ADGRL3: variants seen among roughly 807,000 people sequenced by gnomAD.
The protein encoded by ADGRL3 is calcium-independent alpha-latrotoxin receptor 3.
Under a neutral mutation model 153.5 loss-of-function variants are expected in ADGRL3, and 62 were observed. The observed-to-expected ratio is 0.40, with a 90% confidence interval of 0.33 to 0.50. ADGRL3 has a LOEUF of 0.50. Ranked by LOEUF, ADGRL3 falls within the 20% of genes least tolerant of loss-of-function variation. The pLI is 0.47. For missense variants in ADGRL3, 1,641 were observed against 1,859.4 expected (o/e 0.88, Z 2.16); for synonymous variants, 710 against 672.5 (o/e 1.06, Z -0.86).
chr4:61,291,218 GCACA>G (rs765771949), intron 1 of ADGRL3, among the ~76,000 whole-genome samples: 3 of 134,082 alleles, frequency 2.2e-5, no homozygotes, highest in South Asian at 2.5e-4. Flanking sequence ...ACACACACAC[GCACA>G]CACACACACC....
intron 1 of ADGRL3, among the ~76,000 whole-genome samples, chr4:61,321,209 G>A (rs1252772587): frequency 6.6e-6 from 1 of 152,158 alleles, no homozygotes; most frequent in African/African-American, 2.4e-5. Flanking sequence ...CATCTTTGGT[G>A]GGCCATTCTA....
chr4:61,959,432 G>T (rs2098979778), intron 17 of ADGRL3, among the ~76,000 whole-genome samples: 1 of 152,026 alleles, frequency 6.6e-6, no homozygotes, highest in Non-Finnish European at 1.5e-5. Flanking sequence ...ACTTTCTTTA[G>T]TTTGATGATT....
intron 1 of ADGRL3, among the ~76,000 whole-genome samples, chr4:61,285,798 G>A (rs558602550): frequency 2.3e-4 from 35 of 151,858 alleles, no homozygotes; most frequent in African/African-American, 7.9e-4. Flanking sequence ...TATGAATAGA[G>A]AGGAGGCTAA....
At chr4:61,782,133 TTGA>T (rs1248436720) in intron 8 of ADGRL3, among the ~76,000 whole-genome samples, 1 of 152,148 alleles carries the variant, frequency 6.6e-6, no homozygotes, top group Non-Finnish European at 1.5e-5. Flanking sequence ...TGGCAGAGTA[TTGA>T]TGAGCACTAC....
chr4:62,071,051 T>C lies in ADGRL3; in HGVS notation c.*143T>C, dbSNP rs1255188814. 1.3e-6 allele frequency: 1 copy of C among 743,352 alleles called. No individual in the cohort carries two copies. Among genetic ancestry groups the C allele is most frequent in the African/African-American group, 1.8e-5 (1 of 56,472 alleles). The allele number at this position is 743,352 out of a possible 1,614,324, so 46.0% of individuals were successfully genotyped here. On this transcript the variant is annotated 3_prime_UTR_variant, in exon 27 of 27. Transcript: ENST00000683033. ...ACAAACACAAACTCTCAGACTTTTT[T>C]TTTTTTAATGGGATTTTTAGGTCAG...
At chr4:61,259,388 A>C (rs1031246453) in intron 1 of ADGRL3, among the ~76,000 whole-genome samples, 4 of 151,822 alleles carry the variant, frequency 2.6e-5, no homozygotes, top group Non-Finnish European at 4.4e-5. Flanking sequence ...GCGCCACTGC[A>C]CTCCAGCCTG....
At chr4:61,278,755 C>A (rs945922199) in intron 1 of ADGRL3, among the ~76,000 whole-genome samples, 2 of 152,176 alleles carry the variant, frequency 1.3e-5, no homozygotes, top group African/African-American at 4.8e-5. Context: ...ATCCACCTGC[C>A]TTGGCCTCCT....
intron 5 of ADGRL3, among the ~76,000 whole-genome samples, chr4:61,630,743 T>C (rs1324089245): frequency 1.3e-5 from 2 of 152,232 alleles, no homozygotes; most frequent in African/African-American, 4.8e-5. Context: ...AAAGTAGATA[T>C]ACAAATGTGT....
intron 1 of ADGRL3, among the ~76,000 whole-genome samples, chr4:61,351,259 C>T (rs1322395588): frequency 1.3e-5 from 2 of 152,114 alleles, no homozygotes; most frequent in Non-Finnish European, 2.9e-5. Context: ...AGATGTGAAG[C>T]AGCTGTAGAA....
intron 6 of ADGRL3, among the ~76,000 whole-genome samples, chr4:61,714,243 A>G (rs2096062365): frequency 1.3e-5 from 2 of 152,202 alleles, no homozygotes; most frequent in African/African-American, 2.4e-5. Flanking sequence ...ACAATTAAAA[A>G]TACATTTTGC....
intron 6 of ADGRL3, among the ~76,000 whole-genome samples, chr4:61,680,190 A>T (rs1003810782): frequency 2.6e-5 from 4 of 151,988 alleles, no homozygotes; most frequent in Non-Finnish European, 5.9e-5. Context: ...AATGTGAGGG[A>T]AATTTCAGAC....
At chr4:61,983,649 G>A (rs774152682) in intron 19 of ADGRL3, 46 bp downstream of exon 19, 3 of 1,556,914 alleles carry the variant, frequency 1.9e-6, no homozygotes, top group Middle Eastern at 1.8e-4. Flanking sequence ...TGAAATAAAA[G>A]TGTTGGACTT....
Position 61,733,511 on chromosome 4 carries a change from C to A in ADGRL3, c.1356C>A (p.Val452=). 2 of 1,613,406 alleles carry A rather than the reference C, an allele frequency of 1.2e-6. No individual in the cohort carries two copies. The highest frequency in any genetic ancestry group is 1.7e-5 in the Admixed American group (1 of 59,878). ...NLLYVWNNYH[V]VKYSLDFGPL... Reference sequence around the variant, plus strand: ...TTTATGTATGGAATAACTATCACGTCGTGAAATATTCTTTGGATTTTGGAC... The same window carrying A: ...TTTATGTATGGAATAACTATCACGTAGTGAAATATTCTTTGGATTTTGGAC... Residue 452 remains valine, a synonymous_variant, in exon 8 of 27, where the codon GTC becomes GTA. Coordinates refer to ENST00000683033, the MANE Select transcript of ADGRL3 (RefSeq NM_001387552.1).
intron 21 of ADGRL3, among the ~76,000 whole-genome samples, chr4:62,025,607 T>C (rs1431628456): frequency 6.6e-6 from 1 of 152,156 alleles, no homozygotes; most frequent in African/African-American, 2.4e-5. Flanking sequence ...TCGTTGTTGA[T>C]TGAGGAAAAG....
intron 1 of ADGRL3, among the ~76,000 whole-genome samples, chr4:61,259,673 A>G (rs1469008826): frequency 6.6e-6 from 1 of 152,148 alleles, no homozygotes; most frequent in Admixed American, 6.5e-5. Context: ...CTCCTCACCA[A>G]TGAGGTGTGA....
chr4:61,297,028 C>T (rs1190806838), intron 1 of ADGRL3, among the ~76,000 whole-genome samples: 1 of 152,074 alleles, frequency 6.6e-6, no homozygotes, highest in East Asian at 1.9e-4. Context: ...TCCAAAGATA[C>T]CATAAACAAC....
chr4:61,237,609 A>G (rs1020972131), intron 1 of ADGRL3, among the ~76,000 whole-genome samples: 3 of 152,222 alleles, frequency 2.0e-5, no homozygotes, highest in African/African-American at 7.2e-5. Context: ...CATAAAAGAT[A>G]GAACTATTAG....
At chr4:61,895,336 G>GA (rs1218112242) in intron 10 of ADGRL3, among the ~76,000 whole-genome samples, 1 of 152,022 alleles carries the variant, frequency 6.6e-6, no homozygotes, top group African/African-American at 2.4e-5. Flanking sequence ...TGTGGTGGGG[G>GA]ATGCCTGTAG....
At chr4:61,340,045 G>C (rs937053417) in intron 1 of ADGRL3, among the ~76,000 whole-genome samples, 18 of 152,206 alleles carry the variant, frequency 1.2e-4, no homozygotes, top group Admixed American at 9.2e-4. Context: ...GTGAAGTTGA[G>C]TAGGGTATCT....
Sources: allele counts gnomAD v4.1 joint callset (sites outside exome capture counted in the v4.1 genomes callset), GRCh38; gene constraint gnomAD v4.1.1; transcripts MANE v1.5; gene names NCBI Gene and HGNC (gene_info 2026-07-23, HGNC 2026-07-21).